Variants in RBFOX1 observed in about 807,000 individuals in gnomAD.
RBFOX1 encodes the protein RNA binding fox-1 homolog 1.
In RBFOX1, 8 loss-of-function variants were observed where a neutral mutation model predicts 57.7. The observed-to-expected ratio is 0.14, with a 90% CI of 0.08 to 0.25. The LOEUF (loss-of-function observed/expected upper bound fraction) is 0.25, where lower values mean the gene tolerates loss of function less well. RBFOX1 is among the 10% of genes least tolerant of loss of function. The probability of loss-of-function intolerance (pLI) is 1.00; values close to 1 mark genes in which losing one functional copy is unlikely to be tolerated. For missense variants in RBFOX1, 611 were observed against 548.5 expected (o/e 1.11, Z -1.14); for synonymous variants, 326 against 222.4 (o/e 1.47, Z -4.15).
rs78813869 is a variant in RBFOX1 at position 7,228,971 on chromosome 16, A to G, written c.27+176873A>G. On this transcript the variant is annotated intron_variant, in intron 4 of 15. Transcript: ENST00000550418. The stretch of plus-strand genomic sequence containing the variant: ...TTACAAGGCTTTATATGGAAGGTCA[A>G]GTGAGGGGAAGATGAGCTGGAAGGA... Among the ~76,000 whole-genome samples the G allele has an allele frequency of 5.2e-3, 794 of 152,292 alleles. 3 individuals carry two copies. The highest frequency in any genetic ancestry group is 0.024 in the Middle Eastern group (7 of 294).
At chr16:7,664,149 T>C (rs949683785) in intron 12 of RBFOX1, among the ~76,000 whole-genome samples, 7 of 152,182 alleles carry the variant, frequency 4.6e-5, no homozygotes, top group Admixed American at 2.6e-4. Context: ...CAAATACATA[T>C]AAATAAGTAT....
intron 4 of RBFOX1, among the ~76,000 whole-genome samples, chr16:7,493,271 A>G (rs1423082300): frequency 6.6e-6 from 1 of 152,216 alleles, no homozygotes; most frequent in Non-Finnish European, 1.5e-5. Context: ...TCAGGCGCTC[A>G]ACAGCCACAC....
chr16:6,357,585 G>A (rs186807138), intron 2 of RBFOX1, among the ~76,000 whole-genome samples: 117 of 151,836 alleles, frequency 7.7e-4, no homozygotes, highest in African/African-American at 2.7e-3. Context: ...CTCTCTCGCT[G>A]TCTCGCTCCC....
intron 3 of RBFOX1, among the ~76,000 whole-genome samples, chr16:6,992,940 T>C (rs1039276030): frequency 6.6e-6 from 1 of 152,222 alleles, no homozygotes; most frequent in South Asian, 2.1e-4. Context: ...CATTGTAGAA[T>C]GCAGACTCCT....
intron 2 of RBFOX1, among the ~76,000 whole-genome samples, chr16:6,489,833 A>G (rs2095591331): frequency 6.6e-6 from 1 of 152,210 alleles, no homozygotes. Flanking sequence ...CAAAAAAGCC[A>G]CCAAAGGGAA....
intron 10 of RBFOX1, among the ~76,000 whole-genome samples, chr16:7,610,809 G>C (rs1358966660): frequency 6.6e-6 from 1 of 152,198 alleles, no homozygotes; most frequent in African/African-American, 2.4e-5. Flanking sequence ...CAAAGCGATA[G>C]ATGCAGAGTG....
intron 3 of RBFOX1, among the ~76,000 whole-genome samples, chr16:6,752,865 T>C (rs1360807688): frequency 2.6e-5 from 4 of 151,888 alleles, no homozygotes; most frequent in Non-Finnish European, 5.9e-5. Context: ...GCCTCTCTGC[T>C]CACATATTGC....
chr16:5,514,113 A>C (rs1218552717), intron 2 of RBFOX1, among the ~76,000 whole-genome samples: 2 of 152,204 alleles, frequency 1.3e-5, no homozygotes, highest in Non-Finnish European at 2.9e-5. Context: ...GTTAGGTAAT[A>C]AACTACCCCA....
intron 3 of RBFOX1, among the ~76,000 whole-genome samples, chr16:6,949,230 A>G (rs12102573): frequency 0.68 from 103,725 of 152,100 alleles, 36,338 homozygotes; most frequent in African/African-American, 0.85. Context: ...AAACAAGCCT[A>G]TAAAAAGCAC....
At chr16:6,635,145 TATATG>T (rs1316372556) in intron 2 of RBFOX1, among the ~76,000 whole-genome samples, 8 of 147,132 alleles carry the variant, frequency 5.4e-5, no homozygotes, top group African/African-American at 1.2e-4. Context: ...ATATTAAATG[TATATG>T]ATATGAGTAT....
At chr16:6,670,162 A>T (rs564162961) in intron 3 of RBFOX1, among the ~76,000 whole-genome samples, 1 of 151,996 alleles carries the variant, frequency 6.6e-6, no homozygotes, top group Admixed American at 6.6e-5. Context: ...GTACTTACTC[A>T]GTGTGATCCT....
chr16:5,326,572 A>G (rs1220312708), intron 1 of RBFOX1, among the ~76,000 whole-genome samples: 1 of 152,224 alleles, frequency 6.6e-6, no homozygotes, highest in East Asian at 1.9e-4. Context: ...AGACTTCATT[A>G]TCACAGAACA....
At chr16:5,990,606 CAG>C (rs1383901270) in intron 4 of RBFOX1, among the ~76,000 whole-genome samples, 6 of 152,118 alleles carry the variant, frequency 3.9e-5, no homozygotes, top group Admixed American at 1.3e-4. Flanking sequence ...ATAGCTTTTT[CAG>C]AGAGAGGCCT....
At chr16:7,101,283 A>G (rs561453273) in intron 4 of RBFOX1, among the ~76,000 whole-genome samples, 5 of 152,186 alleles carry the variant, frequency 3.3e-5, no homozygotes, top group Non-Finnish European at 7.3e-5. Flanking sequence ...GCTCGCCGCT[A>G]GCTTGGATGA....
intron 1 of RBFOX1, among the ~76,000 whole-genome samples, chr16:5,455,591 T>C (rs1195044166): frequency 6.6e-6 from 1 of 152,198 alleles, no homozygotes; most frequent in East Asian, 1.9e-4. Context: ...TTTTTCTCCC[T>C]TAGGTTTCTA....
intron 3 of RBFOX1, among the ~76,000 whole-genome samples, chr16:6,911,745 C>G (rs898701344): frequency 7.9e-5 from 12 of 152,124 alleles, no homozygotes; most frequent in African/African-American, 2.4e-4. Context: ...GTTTATTTTA[C>G]CATGCATACC....
chr16:6,903,367 C>T (rs541698712), intron 3 of RBFOX1, among the ~76,000 whole-genome samples: 1 of 152,162 alleles, frequency 6.6e-6, no homozygotes, highest in South Asian at 2.1e-4. Flanking sequence ...TGATGGGAAA[C>T]CATTGCACAG....
At chr16:5,469,612 A>G (rs940485389) in intron 2 of RBFOX1, among the ~76,000 whole-genome samples, 1 of 152,134 alleles carries the variant, frequency 6.6e-6, no homozygotes, top group African/African-American at 2.4e-5. Flanking sequence ...GTAGTTCCAA[A>G]GCATTTTTGT....
At chr16:5,483,602 G>C (rs534890534) in intron 2 of RBFOX1, among the ~76,000 whole-genome samples, 1 of 152,296 alleles carries the variant, frequency 6.6e-6, no homozygotes, top group East Asian at 1.9e-4. Context: ...CGGTGAACTT[G>C]CTACCTCTGG....
Sources: gnomAD v4.1 joint callset for allele counts (sites outside exome capture counted in the v4.1 genomes callset) on GRCh38, gnomAD v4.1.1 for gene constraint, MANE v1.5 for transcripts, NCBI Gene and HGNC (gene_info 2026-07-23, HGNC 2026-07-21) for gene names.